Variants in ADAMTSL3 observed in about 807,000 individuals in gnomAD.
ADAMTSL3 encodes the protein ADAMTS like 3.
In ADAMTSL3, 128 loss-of-function variants were observed where a neutral mutation model predicts 201.7. The ratio of observed to expected loss-of-function variants is 0.63; its 90% CI spans 0.55 to 0.73. ADAMTSL3 has a LOEUF of 0.73. Among genes scored for constraint, ADAMTSL3 ranks in the 30% least tolerant of loss-of-function variants. The pLI is 0.00. For synonymous variants in ADAMTSL3, 738 were observed against 748.4 expected, an observed-to-expected ratio of 0.99 and a Z score of 0.23; for missense variants, 1,990 against 2,119.6, an observed-to-expected ratio of 0.94 and a Z score of 1.20.
chr15:84,037,085 C>T, intron 29 of ADAMTSL3, 98 bp downstream of exon 29: 3 of 1,270,412 alleles, frequency 2.4e-6, no homozygotes, highest in Non-Finnish European at 3.3e-6. Flanking sequence ...TAGTGATTAC[C>T]TCATCAGTGT....
Position 83,991,285 on chromosome 15 carries a change from A to C in ADAMTSL3, c.3973+71A>C, listed in dbSNP as rs895955353. On this transcript the variant is annotated intron_variant, in intron 23 of 29. Coordinates refer to ENST00000286744, the MANE Select transcript of ADAMTSL3 (RefSeq NM_207517.3). ...GTGTGGCCATCCCAGTGTTGCCAGG[A>C]AACACCAGCTGGCATTTTGGTATTC... The C allele has an allele frequency of 4.4e-6, 7 of 1,599,390 alleles. No individual in the cohort carries two copies. The African/African-American group carries it at 9.4e-5, about 21-fold the overall frequency.
chr15:83,809,438 A>G (rs1047187454), intron 5 of ADAMTSL3, among the ~76,000 whole-genome samples: 4 of 152,212 alleles, frequency 2.6e-5, no homozygotes, highest in Non-Finnish European at 5.9e-5. Flanking sequence ...TGCACCAAGC[A>G]TCCTGTCTGC....
At chr15:83,757,905 C>G (rs971283579) in intron 3 of ADAMTSL3, among the ~76,000 whole-genome samples, 1 of 152,178 alleles carries the variant, frequency 6.6e-6, no homozygotes, top group Admixed American at 6.5e-5. Flanking sequence ...TAAAGCATAG[C>G]AAAAGTCACT....
At chr15:83,862,882 G>T (rs373741662) in intron 8 of ADAMTSL3, 1 of 152,072 alleles carries the variant, frequency 6.6e-6, no homozygotes, top group East Asian at 1.9e-4. Flanking sequence ...CCCATCTCAC[G>T]TGCAGAGACA....
At chr15:83,753,064 C>G (rs191354812) in intron 3 of ADAMTSL3, among the ~76,000 whole-genome samples, 71 of 152,278 alleles carry the variant, frequency 4.7e-4, no homozygotes, top group Non-Finnish European at 9.7e-4. Context: ...AGGGCAGCTA[C>G]TAAATGGGGC....
chr15:83,681,278 G>T (rs552907152), intron 2 of ADAMTSL3, among the ~76,000 whole-genome samples: 4 of 152,198 alleles, frequency 2.6e-5, no homozygotes, highest in Non-Finnish European at 4.4e-5. Context: ...CCATGTCAGA[G>T]GAAAATAGAA....
intron 9 of ADAMTSL3, among the ~76,000 whole-genome samples, chr15:83,879,505 T>C (rs1309605235): frequency 6.6e-6 from 1 of 152,222 alleles, no homozygotes; most frequent in Non-Finnish European, 1.5e-5. Context: ...ATTCTTTGAC[T>C]TGTAGATTAT....
intron 3 of ADAMTSL3, among the ~76,000 whole-genome samples, chr15:83,717,203 A>C (rs1256335889): frequency 6.6e-6 from 1 of 152,196 alleles, no homozygotes; most frequent in African/African-American, 2.4e-5. Flanking sequence ...ATGTTGATTG[A>C]ATCTCTGTAA....
At position 83,892,847 on chromosome 15, in the gene ADAMTSL3, C is replaced by T. The variant is rs1373789399; in HGVS notation, c.1426C>T (p.Leu476=). Residue 476 remains leucine, a synonymous_variant, in exon 13 of 30, where the codon CTG becomes TTG. Coordinates refer to ENST00000286744, the MANE Select transcript of ADAMTSL3 (RefSeq NM_207517.3). The part of the protein sequence containing the change: ...PKPKVMQTCN[L]FDCPKWIAME... ...ACCCAAGGTTATGCAAACTTGTAAT[C>T]TGTTTGATTGCCCCAAGTGGATTGC... 9.9e-6 allele frequency: 16 copies of T among 1,614,042 alleles called. No homozygotes were observed. Among genetic ancestry groups the T allele is most frequent in the Non-Finnish European group, 1.4e-5 (16 of 1,180,002 alleles).
intron 3 of ADAMTSL3, among the ~76,000 whole-genome samples, chr15:83,715,053 G>A (rs897780056): frequency 2.0e-5 from 3 of 151,854 alleles, no homozygotes; most frequent in Non-Finnish European, 2.9e-5. Flanking sequence ...AGAGAAGGTG[G>A]GTGTGGTCAA....
At chr15:83,762,554 A>G (rs1024324144) in intron 3 of ADAMTSL3, among the ~76,000 whole-genome samples, 1 of 152,132 alleles carries the variant, frequency 6.6e-6, no homozygotes, top group Non-Finnish European at 1.5e-5. Context: ...CATGTCCTCT[A>G]GAGGGCACGA....
intron 3 of ADAMTSL3, among the ~76,000 whole-genome samples, chr15:83,738,971 T>TA (rs912492168): frequency 1.3e-5 from 2 of 149,284 alleles, no homozygotes; most frequent in African/African-American, 4.9e-5. Context: ...TAAAATAAAA[T>TA]AAAGAAAATA....
At chr15:83,991,736 T>G (rs1213260889) in intron 23 of ADAMTSL3, among the ~76,000 whole-genome samples, 1 of 152,148 alleles carries the variant, frequency 6.6e-6, no homozygotes, top group African/African-American at 2.4e-5. Flanking sequence ...CTTTCTCCCG[T>G]GTTTACAACT....
At chr15:83,769,118 G>A (rs1464616868) in intron 3 of ADAMTSL3, among the ~76,000 whole-genome samples, 1 of 151,142 alleles carries the variant, frequency 6.6e-6, no homozygotes, top group Non-Finnish European at 1.5e-5. Context: ...TGTAAGTTAA[G>A]GTAGAGAAGT....
chr15:83,895,432 CTT>C (rs2065592122), intron 13 of ADAMTSL3, among the ~76,000 whole-genome samples: 1 of 152,162 alleles, frequency 6.6e-6, no homozygotes, highest in South Asian at 2.1e-4. Flanking sequence ...AATATCATGA[CTT>C]TATCATTATG....
At chr15:83,738,436 A>G (rs2062402449) in intron 3 of ADAMTSL3, among the ~76,000 whole-genome samples, 1 of 152,182 alleles carries the variant, frequency 6.6e-6, no homozygotes, top group South Asian at 2.1e-4. Flanking sequence ...AGTATACCAT[A>G]TTTTGAACCT....
intron 2 of ADAMTSL3, chr15:83,694,374 G>A (rs1480227091): frequency 2.6e-5 from 4 of 152,208 alleles, no homozygotes; most frequent in Non-Finnish European, 5.9e-5. Context: ...GGAGAGTGAG[G>A]TAGGGAGTTT....
chr15:83,976,698 A>G (rs544157298), intron 20 of ADAMTSL3, among the ~76,000 whole-genome samples: 2 of 152,130 alleles, frequency 1.3e-5, no homozygotes, highest in Admixed American at 1.3e-4. Context: ...ATGAGAATCT[A>G]ATGCCACCAC....
chr15:83,968,971 G>A (rs1348381479), intron 19 of ADAMTSL3, among the ~76,000 whole-genome samples: 2 of 152,132 alleles, frequency 1.3e-5, no homozygotes, highest in African/African-American at 2.4e-5. Flanking sequence ...CATGGACGCA[G>A]GAAGGGGAAC....
Sources: allele counts gnomAD v4.1 joint callset (sites outside exome capture counted in the v4.1 genomes callset), GRCh38; gene constraint gnomAD v4.1.1; transcripts MANE v1.5; gene names NCBI Gene and HGNC (gene_info 2026-07-23, HGNC 2026-07-21).